PPP2R3B: variants seen among roughly 807,000 people sequenced by gnomAD.
The protein encoded by PPP2R3B is protein phosphatase 2 regulatory subunit B''beta.
PPP2R3B carries 68 observed loss-of-function variants against 72.9 expected under a neutral mutation model. The ratio of observed to expected loss-of-function variants is 0.93; its 90% confidence interval spans 0.77 to 1.14. PPP2R3B has a LOEUF of 1.14. Ranked by LOEUF, PPP2R3B falls within the 50% of genes most tolerant of loss-of-function variation. PPP2R3B has a pLI of 0.00. For missense variants in PPP2R3B, 1,018 were observed against 842.0 expected (o/e 1.21, Z -2.59); for synonymous variants, 466 against 375.8 (o/e 1.24, Z -2.78).
chrX:346,691 G>A lies in PPP2R3B; in HGVS notation c.792+10C>T. 1.2e-6 allele frequency: 2 copies of A among 1,604,288 alleles called. No homozygotes were observed. Among genetic ancestry groups the A allele is most frequent in the South Asian group, 2.2e-5 (2 of 90,632 alleles). On this transcript the variant is annotated intron_variant, in intron 5 of 12. Coordinates refer to ENST00000390665, the MANE Select transcript of PPP2R3B (RefSeq NM_013239.5). ...CGCTGGAACCGACGGCCCCTCCGCT[G>A]GGGACCCACCGTGGTGATGTAGCGC... is the stretch of plus-strand genomic sequence containing the variant.
chrX:338,315 T>C, intron 12 of PPP2R3B: 1 of 566,188 alleles, frequency 1.8e-6, no homozygotes, highest in Non-Finnish European at 3.2e-6. Flanking sequence ...GAAACACGAC[T>C]CGGCCTCCCC....
intron 8 of PPP2R3B, 92 bp from the exon 9 acceptor site, chrX:341,488 A>AGCC: frequency 7.6e-7 from 1 of 1,313,610 alleles, no homozygotes; most frequent in Non-Finnish European, 1.1e-6. Flanking sequence ...CGGTGAGGGG[A>AGCC]GCCCCCCGGG....
chrX:341,308 T>G lies in PPP2R3B; in HGVS notation c.1174A>C (p.Ser392Arg). 1 of 1,612,482 alleles carries G rather than the reference T, an allele frequency of 6.2e-7. No homozygotes were observed. The highest frequency in any genetic ancestry group is 8.5e-7 in the Non-Finnish European group (1 of 1,179,716). The change falls in exon 9 of 13, where the codon AGC becomes CGC. Residue 392 changes from serine (S) to arginine (R), a missense_variant and splice_region_variant. Ser to Arg is a moderately radical substitution (Grantham distance 110). Coordinates refer to ENST00000390665, the MANE Select transcript of PPP2R3B (RefSeq NM_013239.5). Reference protein sequence around the residue: ...ISEEDKKTPTSIEYWFRCMDL... With the variant: ...ISEEDKKTPTRIEYWFRCMDL... ...ACGCATGCCGCAGCAGGAACCCACC[T>G]GGTCGGTGTTTTTTTGTCTTCCTCA...
intron 1 of PPP2R3B, 92 bp downstream of exon 1, chrX:386,276 C>T: frequency 1.8e-6 from 2 of 1,100,564 alleles, no homozygotes; most frequent in Non-Finnish European, 2.3e-6. Flanking sequence ...TGGGGTCTGA[C>T]GCTCGCCCAC....
At chrX:346,825 T>C in intron 4 of PPP2R3B, 50 bp from the exon 5 acceptor site, 1 of 1,549,614 alleles carries the variant, frequency 6.5e-7, no homozygotes, top group Non-Finnish European at 8.8e-7. Context: ...GGCCCTCCCG[T>C]GAGGTGTGCG....
At chrX:373,134 C>G (rs1160991823) in intron 1 of PPP2R3B, among the ~76,000 whole-genome samples, 1 of 152,108 alleles carries the variant, frequency 6.6e-6, no homozygotes, top group Admixed American at 6.5e-5. Context: ...ATGTTTATTA[C>G]CAGCAATGCA....
chrX:346,558 ACT>A, intron 5 of PPP2R3B, 141 bp downstream of exon 5: 3 of 793,912 alleles, frequency 3.8e-6, no homozygotes, highest in South Asian at 3.6e-5. Context: ...GCGGGTGGAG[ACT>A]CTCCCAGAGC....
In PPP2R3B at chrX:341,023, GGGTGCACGCGTCCCCGCTGTGCCTT is replaced by G. The variant is rs1392406870; in HGVS notation, c.1176-108_1176-84del. 1.0e-5 allele frequency: 16 copies of G among 1,527,044 alleles called. No individual in the cohort carries two copies. In the African/African-American group the frequency reaches 2.2e-4, roughly 21 times the overall value. The allele number at this position is 1,527,044 out of a possible 1,614,324, so 94.6% of individuals were successfully genotyped here. ...CAGCCCCTGAGGCAGCCCCCACCGG[GGGTGCACGCGTCCCCGCTGTGCCTT>G]GCAGCCCCCACCGGGCGTGCAGGCA... On this transcript the variant is annotated intron_variant, in intron 9 of 12. Coordinates refer to ENST00000390665, the MANE Select transcript of PPP2R3B (RefSeq NM_013239.5).
chrX:386,754 G>C lies in PPP2R3B; in HGVS notation c.-63C>G, dbSNP rs2072266626. 1 of 1,100,878 alleles carries C rather than the reference G, an allele frequency of 9.1e-7. No homozygotes were observed. Among genetic ancestry groups the C allele is most frequent in the South Asian group, 4.3e-5 (1 of 23,076 alleles). 68.2% of individuals were successfully genotyped at this position (1,100,878 alleles called of 1,614,324 possible). ...GCCCCGCCCCGCCCCGGGGGCTTCG[G>C]TCCGCCCCGGACCGACCTCGGTGAT... On this transcript the variant is annotated 5_prime_UTR_variant, in exon 1 of 13. Transcript: ENST00000390665.
chrX:341,986 A>AC, intron 7 of PPP2R3B, 55 bp from the exon 8 acceptor site: 3 of 1,599,900 alleles, frequency 1.9e-6, no homozygotes, highest in Non-Finnish European at 2.6e-6. Flanking sequence ...CCCCGACGTC[A>AC]CCACCCCCCG....
chrX:385,430 G>A lies in PPP2R3B; in HGVS notation c.324+938C>T, dbSNP rs373730291. ...AGTGATTCTCCTGCCTCAGCCTCCC[G>A]GGTAGCTGAGATTACAGGTACATTA... On this transcript the variant is annotated intron_variant, in intron 1 of 12. Transcript: ENST00000390665. Among the ~76,000 whole-genome samples, 114 of 147,080 alleles carry A rather than the reference G, an allele frequency of 7.8e-4. 2 individuals are homozygous for A. The East Asian group carries it at 0.012, about 15-fold the overall frequency.
chrX:363,208 C>CTGCATCTCCCCGAGCCTGCGATCCCACAG (rs1418490973), intron 1 of PPP2R3B, among the ~76,000 whole-genome samples: 68 of 5,582 alleles, frequency 0.012, no homozygotes, highest in African/African-American at 0.034. Context: ...CAGGAGGTCC[C>CTGCATCTCCCCGAGCCTGCGATCCCACAG]TGCATCTCCC....
intron 1 of PPP2R3B, among the ~76,000 whole-genome samples, chrX:365,186 C>G (rs1259075364): frequency 1.5e-4 from 9 of 61,968 alleles, no homozygotes; most frequent in African/African-American, 5.7e-4. Flanking sequence ...GCACTCCAGC[C>G]TGGGCGACAG....
At chrX:346,336 G>C in intron 5 of PPP2R3B, 76 bp from the exon 6 acceptor site, 5 of 1,411,904 alleles carry the variant, frequency 3.5e-6, no homozygotes, top group Non-Finnish European at 3.9e-6. Context: ...CCGGGAGCCG[G>C]GAGAGGGGCG....
intron 1 of PPP2R3B, among the ~76,000 whole-genome samples, chrX:384,850 T>A (rs760218222): frequency 1.3e-5 from 2 of 151,654 alleles, no homozygotes; most frequent in South Asian, 4.2e-4. Flanking sequence ...CCGGGGGTGG[T>A]GGTGTGCGCC....
chrX:341,053 C>T, intron 9 of PPP2R3B, 113 bp from the exon 10 acceptor site: 2 of 1,434,024 alleles, frequency 1.4e-6, no homozygotes, highest in South Asian at 1.3e-5. Flanking sequence ...TGCCTTGCAG[C>T]CCCCACCGGG....
chrX:350,019 CAT>C (rs1446508020), intron 2 of PPP2R3B, among the ~76,000 whole-genome samples: 1 of 152,194 alleles, frequency 6.6e-6, no homozygotes, highest in Admixed American at 6.5e-5. Flanking sequence ...CGGACAGGCT[CAT>C]GTGAAAACTT....
At chrX:385,766 G>A (rs1342078564) in intron 1 of PPP2R3B, among the ~76,000 whole-genome samples, 1 of 152,060 alleles carries the variant, frequency 6.6e-6, no homozygotes, top group Non-Finnish European at 1.5e-5. Flanking sequence ...GCAAGACCCT[G>A]TCTCCAAAGA....
rs139123969 is a variant in PPP2R3B, at chrX:338,808, G to A, written c.1440C>T (p.His480=). The A allele has an allele frequency of 3.8e-4, 608 of 1,612,454 alleles. 3 individuals are homozygous for A. The African/African-American group carries it at 6.8e-3, about 18-fold the overall frequency. The change falls in exon 11 of 13, where the codon CAC becomes CAT. Residue 480 remains histidine (H), a synonymous_variant. Coordinates refer to ENST00000390665, the MANE Select transcript of PPP2R3B (RefSeq NM_013239.5). The part of the protein sequence containing the change: ...TFFNIEKYLD[H]EQKEQISLLR... ...GCAGGGAGATCTGCTCTTTCTGCTCGTGGTCGAGGTACTTCTCGATGTTGA... is the reference window on the plus strand; with the variant it reads ...GCAGGGAGATCTGCTCTTTCTGCTCATGGTCGAGGTACTTCTCGATGTTGA...
Sources: allele counts gnomAD v4.1 joint callset (sites outside exome capture counted in the v4.1 genomes callset), GRCh38; gene constraint gnomAD v4.1.1; transcripts MANE v1.5; gene names NCBI Gene and HGNC (gene_info 2026-07-23, HGNC 2026-07-21).